Variants in C5orf47 observed in about 807,000 individuals in gnomAD.
C5orf47 encodes the protein uncharacterized protein C5orf47.
A neutral mutation model predicts 20.6 loss-of-function variants in C5orf47; 20 were observed. That is an observed-to-expected ratio of 0.97 (90% CI 0.68 to 1.41). C5orf47 has a LOEUF of 1.41. Ranked by LOEUF, C5orf47 falls within the 40% of genes most tolerant of loss-of-function variation. The pLI is 0.00. For synonymous variants in C5orf47, 106 were observed against 97.3 expected, an observed-to-expected ratio of 1.09 and a Z score of -0.53; for missense variants, 262 against 238.4, an observed-to-expected ratio of 1.10 and a Z score of -0.65.
At chr5:173,990,125 A>ATTTTTTTT (rs11292600) in intron 1 of C5orf47, among the ~76,000 whole-genome samples, 1 of 138,216 alleles carries the variant, frequency 7.2e-6, no homozygotes, top group African/African-American at 2.7e-5. Context: ...TAGGAAGCCA[A>ATTTTTTTT]TTTTTTTTTT....
At chr5:174,007,099 C>T (rs1342772360), downstream of C5orf47, among the ~76,000 whole-genome samples, 1 of 152,074 alleles carries the variant, frequency 6.6e-6, no homozygotes, top group African/African-American at 2.4e-5. Flanking sequence ...ATAGCCATCT[C>T]CCCAGGCCCT....
At chr5:174,009,397 CCT>C (rs1759338863), downstream of C5orf47, among the ~76,000 whole-genome samples, 1 of 152,052 alleles carries the variant, frequency 6.6e-6, no homozygotes, top group Admixed American at 6.5e-5. Flanking sequence ...TTATTTTACT[CCT>C]CTTTTTTATA....
Position 173,989,502 on chromosome 5 carries a change from C to T in C5orf47, c.239C>T (p.Thr80Ile), listed in dbSNP as rs1356529153. Reference sequence around the variant, plus strand: ...GGTTCCCAGCTCAGGGTCCCCACGACCCCTGGTGTGGAGGCTGCGGCCTCT... The same window carrying T: ...GGTTCCCAGCTCAGGGTCCCCACGATCCCTGGTGTGGAGGCTGCGGCCTCT... ...PLGSQLRVPT[T>I]PGVEAAASAS... The change falls in exon 1 of 5, where the codon ACC becomes ATC. Residue 80 changes from threonine to isoleucine, a missense_variant. Coordinates refer to ENST00000340147, the MANE Select transcript of C5orf47 (RefSeq NM_001144954.2). 9.1e-6 allele frequency: 14 copies of T among 1,544,572 alleles called. No individual in the cohort carries two copies. Among genetic ancestry groups the T allele is most frequent in the African/African-American group, 1.4e-5 (1 of 72,732 alleles).
At position 173,999,783 on chromosome 5, in the gene C5orf47, A is replaced by G; in HGVS notation, c.495A>G (p.Gln165=). The change falls in exon 3 of 5, where the codon CAA becomes CAG. Residue 165 remains glutamine, a synonymous_variant. Coordinates refer to ENST00000340147, the MANE Select transcript of C5orf47 (RefSeq NM_001144954.2). ...AATATAGACACAGGCTGAAATGCCA[A>G]AGGTTATCTAGTGAAAGTAAGTTAA... ...NEKYRHRLKC[Q]RLSSESSNYT... is the part of the protein sequence containing the mutation. 1 of 1,529,354 alleles carries G rather than the reference A, an allele frequency of 6.5e-7. No individual in the cohort carries two copies. Among genetic ancestry groups the G allele is most frequent in the Non-Finnish European group, 8.8e-7 (1 of 1,131,220 alleles). 94.7% of individuals were successfully genotyped at this position (1,529,354 alleles called of 1,614,324 possible).
chr5:173,997,548 C>T (rs189449709), intron 1 of C5orf47, among the ~76,000 whole-genome samples: 1 of 152,044 alleles, frequency 6.6e-6, no homozygotes, highest in East Asian at 1.9e-4. Context: ...AGGTCAGAGC[C>T]TAGTGGAGGA....
In C5orf47 at chr5:173,989,401, G is replaced by A. The variant is rs1244812896; in HGVS notation, c.138G>A (p.Gly46=). ...AAGGCCTTTGGGGTCAGGGGCCTGG[G>A]GCAGGCTGTCGCCAGGAGAAGCCGA... is the stretch of plus-strand genomic sequence containing the variant. ...GAQGLWGQGP[G]AGCRQEKPRE... Residue 46 remains glycine, a synonymous_variant, in exon 1 of 5, where the codon GGG becomes GGA. Coordinates refer to ENST00000340147, the MANE Select transcript of C5orf47 (RefSeq NM_001144954.2). 6.5e-7 allele frequency: 1 copy of A among 1,545,348 alleles called. No homozygotes were observed. The highest frequency in any genetic ancestry group is 1.2e-5 in the South Asian group (1 of 82,858).
At chr5:173,994,844 C>T (rs918951069) in intron 1 of C5orf47, among the ~76,000 whole-genome samples, 6 of 152,106 alleles carry the variant, frequency 3.9e-5, no homozygotes, top group African/African-American at 1.2e-4. Context: ...GACAGTGTCT[C>T]GCACTGTCTC....
rs555775692 is a variant in C5orf47 at position 173,998,112 on chromosome 5, C to T, written c.326-41C>T. On this transcript the variant is annotated intron_variant, in intron 1 of 4. Coordinates refer to ENST00000340147, the MANE Select transcript of C5orf47 (RefSeq NM_001144954.2). Reference sequence around the variant, plus strand: ...GGTCTCTATTTTCAGATAGTAAATCCTTATATATGTTGACCTTTTCACTTT... The same window carrying T: ...GGTCTCTATTTTCAGATAGTAAATCTTTATATATGTTGACCTTTTCACTTT... 1.1e-5 allele frequency: 13 copies of T among 1,159,794 alleles called. No individual in the cohort carries two copies. In the Admixed American group the frequency reaches 1.9e-4, roughly 17 times the overall value. The allele number at this position is 1,159,794 out of a possible 1,614,324, so 71.8% of individuals were successfully genotyped here.
At chr5:174,008,279 G>C (rs1759322808), downstream of C5orf47, among the ~76,000 whole-genome samples, 1 of 152,114 alleles carries the variant, frequency 6.6e-6, no homozygotes, top group Non-Finnish European at 1.5e-5. Context: ...TATTGATCCG[G>C]CCCATATATT....
At chr5:173,989,631 G>GACGGGGCGGA (rs1284783713) in intron 1 of C5orf47, 43 bp downstream of exon 1, 1 of 1,351,622 alleles carries the variant, frequency 7.4e-7, no homozygotes, top group Non-Finnish European at 9.5e-7. Context: ...GGCGGGGCGG[G>GACGGGGCGGA]ACGGGGCGGA....
chr5:173,998,233 A>G lies in C5orf47; in HGVS notation c.406A>G (p.Lys136Glu), dbSNP rs1440251476. 8.0e-6 allele frequency: 12 copies of G among 1,494,560 alleles called. No individual in the cohort carries two copies. The Admixed American group carries it at 8.3e-5, about 10-fold the overall frequency. The allele number at this position is 1,494,560 out of a possible 1,614,324, so 92.6% of individuals were successfully genotyped here. A position where few individuals can be genotyped will look rare whatever the true frequency, so the allele number is the denominator to read the frequency against. Residue 136 changes from lysine to glutamate, a missense_variant, in exon 2 of 5, where the codon AAA (lysine) becomes GAA (glutamate). Coordinates refer to ENST00000340147, the MANE Select transcript of C5orf47 (RefSeq NM_001144954.2). ...AGCTTCCAAAATAATGAAGAAAAAG[A>G]AAAAGGTATATTGCTGTAAAGGAGA... ...NEASKIMKKK[K>E]KVLVWNRVYK... is the part of the protein sequence containing the mutation.
chr5:173,990,738 C>G (rs1758979977), intron 1 of C5orf47, among the ~76,000 whole-genome samples: 1 of 152,158 alleles, frequency 6.6e-6, no homozygotes, highest in African/African-American at 2.4e-5. Flanking sequence ...GCGCCAGGCC[C>G]TCTCTTGGTT....
chr5:173,994,125 C>G (rs1052090843), intron 1 of C5orf47, among the ~76,000 whole-genome samples: 1 of 152,066 alleles, frequency 6.6e-6, no homozygotes, highest in Non-Finnish European at 1.5e-5. Flanking sequence ...ACTTTGTGGC[C>G]CAATTTGTGC....
At chr5:174,008,304 G>T (rs1380115149), downstream of C5orf47, among the ~76,000 whole-genome samples, 1 of 152,178 alleles carries the variant, frequency 6.6e-6, no homozygotes, top group Admixed American at 6.5e-5. Flanking sequence ...GACACAGAAG[G>T]TTGTTAACTT....
At chr5:174,006,219 A>C (rs968771557), downstream of C5orf47, 1 of 152,362 alleles carries the variant, frequency 6.6e-6, no homozygotes. Flanking sequence ...TTCACTCACC[A>C]AATCTATATC....
chr5:173,993,513 C>T (rs772427078), intron 1 of C5orf47, among the ~76,000 whole-genome samples: 1 of 152,040 alleles, frequency 6.6e-6, no homozygotes, highest in African/African-American at 2.4e-5. Context: ...TGGTGGTGCG[C>T]GCCTGCTGTA....
chr5:173,995,972 C>A (rs560456382), intron 1 of C5orf47, among the ~76,000 whole-genome samples: 1 of 152,250 alleles, frequency 6.6e-6, no homozygotes, highest in South Asian at 2.1e-4. Context: ...ATAAATCAGG[C>A]CAGTTCCCTG....
chr5:174,001,128 A>G (rs1759188924), intron 3 of C5orf47, 68 bp from the exon 4 acceptor site: 2 of 955,664 alleles, frequency 2.1e-6, no homozygotes, highest in Non-Finnish European at 3.2e-6. Context: ...CATAATGTAT[A>G]TTTATTAATG....
intron 1 of C5orf47, among the ~76,000 whole-genome samples, chr5:173,992,875 C>T (rs1759023262): frequency 1.3e-5 from 2 of 152,046 alleles, no homozygotes; most frequent in Admixed American, 1.3e-4. Context: ...AATTTATCAT[C>T]CTTTTTGTTC....
Sources: allele counts gnomAD v4.1 joint callset (sites outside exome capture counted in the v4.1 genomes callset), GRCh38; gene constraint gnomAD v4.1.1; transcripts MANE v1.5; gene names NCBI Gene and HGNC (gene_info 2026-07-23, HGNC 2026-07-21).